PDE4B: variants seen among roughly 807,000 people sequenced by gnomAD.
PDE4B encodes the protein phosphodiesterase 4B, also known as 3',5'-cyclic-AMP phosphodiesterase 4B.
PDE4B carries 20 observed loss-of-function variants against 82.2 expected under a neutral mutation model. The ratio of observed to expected loss-of-function variants is 0.24; its 90% confidence interval spans 0.17 to 0.35. PDE4B has a LOEUF of 0.35. Ranked by LOEUF, PDE4B falls within the 10% of genes least tolerant of loss-of-function variation. The pLI is 1.00. For missense variants in PDE4B, 655 were observed against 907.2 expected, an observed-to-expected ratio of 0.72 and a Z score of 3.57; for synonymous variants, 320 against 318.9, an observed-to-expected ratio of 1.00 and a Z score of -0.04.
intron 1 of PDE4B, among the ~76,000 whole-genome samples, chr1:65,848,824 T>G (rs1646296855): frequency 1.3e-5 from 2 of 152,178 alleles, no homozygotes; most frequent in Admixed American, 1.3e-4. Flanking sequence ...TGCCAGCTAT[T>G]ATGAATAAAG....
chr1:66,290,863 C>T (rs1005711000), intron 7 of PDE4B, among the ~76,000 whole-genome samples: 28 of 152,284 alleles, frequency 1.8e-4, no homozygotes, highest in African/African-American at 6.5e-4. Flanking sequence ...AGAATAATAT[C>T]TAGAGTGAAC....
At chr1:66,091,195 C>T (rs1044778080) in intron 3 of PDE4B, among the ~76,000 whole-genome samples, 7 of 151,948 alleles carry the variant, frequency 4.6e-5, no homozygotes, top group African/African-American at 1.4e-4. Context: ...ACCGTAACTT[C>T]GTAATTTTAT....
intron 7 of PDE4B, among the ~76,000 whole-genome samples, chr1:66,285,103 A>G (rs978424536): frequency 1.3e-5 from 2 of 152,158 alleles, no homozygotes; most frequent in African/African-American, 4.8e-5. Context: ...AATCACAACA[A>G]CAATGTTTAT....
chr1:66,213,654 A>G (rs11799835), intron 3 of PDE4B, among the ~76,000 whole-genome samples: 3,862 of 152,190 alleles, frequency 0.025, 69 homozygotes, highest in Middle Eastern at 0.095. Flanking sequence ...TGTTTTTTCT[A>G]CTTGATGGAG....
chr1:66,002,163 T>A (rs938745726), intron 3 of PDE4B, among the ~76,000 whole-genome samples: 4 of 152,272 alleles, frequency 2.6e-5, no homozygotes, highest in South Asian at 2.1e-4. Flanking sequence ...AAGTTTTTTT[T>A]AAATTTTCGT....
At chr1:66,361,885 T>G (rs1662804476) in intron 10 of PDE4B, 92 bp downstream of exon 10, 1 of 1,035,886 alleles carries the variant, frequency 9.7e-7, no homozygotes. Context: ...TGGATTGCTT[T>G]TGCATTATTA....
chr1:65,925,612 G>A (rs982384112), intron 3 of PDE4B, among the ~76,000 whole-genome samples: 1 of 152,194 alleles, frequency 6.6e-6, no homozygotes, highest in South Asian at 2.1e-4. Context: ...ATCACATAAT[G>A]TGTAATATTT....
chr1:66,240,838 C>CTA (rs1331829388), intron 3 of PDE4B, among the ~76,000 whole-genome samples: 1 of 152,166 alleles, frequency 6.6e-6, no homozygotes, highest in Non-Finnish European at 1.5e-5. Context: ...CCTCAGGGAT[C>CTA]TACCTCACAA....
At chr1:65,809,455 C>CA in intron 1 of PDE4B, among the ~76,000 whole-genome samples, 1 of 150,542 alleles carries the variant, frequency 6.6e-6, no homozygotes, top group East Asian at 2.0e-4. Context: ...CATATAATTT[C>CA]AAATGGAAAA....
At chr1:66,201,974 G>A (rs1649004489) in intron 3 of PDE4B, among the ~76,000 whole-genome samples, 1 of 152,072 alleles carries the variant, frequency 6.6e-6, no homozygotes, top group Non-Finnish European at 1.5e-5. Context: ...GCTTTCTCTT[G>A]TGGGCATTTA....
At chr1:66,319,999 C>G (rs1201288636) in intron 7 of PDE4B, among the ~76,000 whole-genome samples, 1 of 152,158 alleles carries the variant, frequency 6.6e-6, no homozygotes, top group African/African-American at 2.4e-5. Context: ...TTACTCAAAT[C>G]AAATGTTCTA....
At chr1:65,914,073 C>A (rs984047044) in intron 2 of PDE4B, among the ~76,000 whole-genome samples, 3 of 152,118 alleles carry the variant, frequency 2.0e-5, no homozygotes, top group Non-Finnish European at 2.9e-5. Flanking sequence ...CTCATCTTTA[C>A]CCAATTACTG....
chr1:66,329,797 A>C (rs536250509), intron 7 of PDE4B, among the ~76,000 whole-genome samples: 1 of 152,356 alleles, frequency 6.6e-6, no homozygotes, highest in Admixed American at 6.5e-5. Context: ...TAAGTGGTAG[A>C]AGAGAAAGTC....
At chr1:66,128,282 T>C (rs577290336) in intron 3 of PDE4B, among the ~76,000 whole-genome samples, 140 of 152,332 alleles carry the variant, frequency 9.2e-4, no homozygotes, top group African/African-American at 2.9e-3. Context: ...ATAGCTCTCC[T>C]TGGAGATTTT....
At chr1:66,350,350 G>T (rs1201300278) in intron 8 of PDE4B, among the ~76,000 whole-genome samples, 1 of 152,098 alleles carries the variant, frequency 6.6e-6, no homozygotes, top group East Asian at 1.9e-4. Context: ...GTAACTAACT[G>T]CTGGGGCTGC....
At chr1:66,218,811 C>T (rs1044583152) in intron 3 of PDE4B, among the ~76,000 whole-genome samples, 6 of 152,166 alleles carry the variant, frequency 3.9e-5, no homozygotes, top group Admixed American at 2.0e-4. Flanking sequence ...GCCTAGCATT[C>T]GATAGAGTTA....
chr1:65,994,171 C>G (rs1299859644), intron 3 of PDE4B, among the ~76,000 whole-genome samples: 3 of 152,122 alleles, frequency 2.0e-5, no homozygotes, highest in East Asian at 3.8e-4. Context: ...TTGAGGAGAT[C>G]TGATTTTTAA....
intron 7 of PDE4B, among the ~76,000 whole-genome samples, chr1:66,273,933 A>G (rs1020469619): frequency 6.6e-6 from 1 of 152,222 alleles, no homozygotes; most frequent in Non-Finnish European, 1.5e-5. Context: ...CTTGAAGTGA[A>G]CTCTTTGTTA....
intron 1 of PDE4B, among the ~76,000 whole-genome samples, chr1:65,830,482 A>G (rs1212696513): frequency 1.3e-5 from 2 of 152,194 alleles, no homozygotes; most frequent in Non-Finnish European, 2.9e-5. Context: ...ATCACCAGTG[A>G]TGAGTCATGT....
Sources: allele counts gnomAD v4.1 joint callset (sites outside exome capture counted in the v4.1 genomes callset), GRCh38; gene constraint gnomAD v4.1.1; transcripts MANE v1.5; gene names NCBI Gene and HGNC (gene_info 2026-07-23, HGNC 2026-07-21).